FILIP1L: variants seen among roughly 807,000 people sequenced by gnomAD.
The protein encoded by FILIP1L is filamin A-interacting protein 1-like.
A neutral mutation model predicts 96.6 loss-of-function variants in FILIP1L; 55 were observed. The observed-to-expected ratio is 0.57, with a 90% CI of 0.46 to 0.71. The LOEUF is 0.71. Among genes scored for constraint, FILIP1L ranks in the 30% least tolerant of loss-of-function variants. The probability of loss-of-function intolerance (pLI) is 0.00; values close to 1 mark genes in which losing one functional copy is unlikely to be tolerated. For synonymous variants in FILIP1L, 467 were observed against 473.9 expected, an observed-to-expected ratio of 0.99 and a Z score of 0.19; for missense variants, 1,304 against 1,321.2, an observed-to-expected ratio of 0.99 and a Z score of 0.20.
At chr3:99,856,061 A>G (rs575267499) in intron 4 of FILIP1L, among the ~76,000 whole-genome samples, 3 of 152,076 alleles carry the variant, frequency 2.0e-5, no homozygotes, top group Non-Finnish European at 2.9e-5. Context: ...TGCTCCATCC[A>G]TTGTTTGGTT....
At chr3:99,855,574 C>A (rs922645721) in intron 4 of FILIP1L, among the ~76,000 whole-genome samples, 5 of 152,162 alleles carry the variant, frequency 3.3e-5, no homozygotes, top group African/African-American at 1.2e-4. Context: ...GATTTCCCCA[C>A]ATTATATTGC....
intron 4 of FILIP1L, among the ~76,000 whole-genome samples, chr3:99,864,073 T>TA (rs1944391471): frequency 6.6e-6 from 1 of 152,222 alleles, no homozygotes; most frequent in Non-Finnish European, 1.5e-5. Flanking sequence ...ATGGAATTAA[T>TA]ATGTAGGAGG....
At chr3:100,078,520 C>CTGGGCCACATTGCAAGAATTGTCT (rs1373574152) in intron 1 of FILIP1L, among the ~76,000 whole-genome samples, 4 of 152,068 alleles carry the variant, frequency 2.6e-5, no homozygotes, top group Non-Finnish European at 5.9e-5. Context: ...TTTGGCTTCC[C>CTGGGCCACATTGCAAGAATTGTCT]TGGGCCACAT....
rs577572428 is a variant in FILIP1L at position 100,081,198 on chromosome 3, G to A, written c.-11+32855C>T. ...TCCTCTCTCAAGATGGAACTTCACC[G>A]AAGCCACCCAAGAGTCCTTCTAATC... On this transcript the variant is annotated intron_variant, in intron 1 of 5. Coordinates refer to ENST00000477258, the MANE Select transcript of FILIP1L (RefSeq NM_001387850.1). 2.6e-5 allele frequency among the ~76,000 whole-genome samples: 4 copies of A among 152,236 alleles called. No homozygotes were observed. The East Asian group carries it at 7.7e-4, about 29-fold the overall frequency.
intron 1 of FILIP1L, among the ~76,000 whole-genome samples, chr3:100,063,879 A>G (rs1217877221): frequency 6.6e-6 from 1 of 152,244 alleles, no homozygotes; most frequent in Non-Finnish European, 1.5e-5. Flanking sequence ...TACTTGAAGT[A>G]TAGAGAAAAA....
chr3:99,916,572 G>A (rs971120934), intron 4 of FILIP1L, among the ~76,000 whole-genome samples: 48 of 151,886 alleles, frequency 3.2e-4, no homozygotes, highest in African/African-American at 1.2e-3. Flanking sequence ...CTTAGCACTT[G>A]CTGTGCATTA....
At chr3:100,003,416 A>G (rs1709899074) in intron 1 of FILIP1L, among the ~76,000 whole-genome samples, 1 of 152,158 alleles carries the variant, frequency 6.6e-6, no homozygotes, top group Admixed American at 6.5e-5. Context: ...TAACCAATGC[A>G]CCTAGAATAA....
At chr3:100,052,794 T>C (rs1267169886) in intron 1 of FILIP1L, among the ~76,000 whole-genome samples, 2 of 152,242 alleles carry the variant, frequency 1.3e-5, no homozygotes, top group African/African-American at 4.8e-5. Flanking sequence ...AGGTAAACTT[T>C]CTGGATATGA....
intron 1 of FILIP1L, chr3:100,041,114 G>T (rs112071651): frequency 6.6e-5 from 10 of 152,242 alleles, no homozygotes; most frequent in African/African-American, 2.2e-4. Context: ...GACTGCCAAA[G>T]TTTTATTTCA....
chr3:99,951,959 A>G (rs772542662), intron 1 of FILIP1L, among the ~76,000 whole-genome samples: 10 of 152,248 alleles, frequency 6.6e-5, no homozygotes, highest in Admixed American at 3.9e-4. Context: ...GAGAGAACCT[A>G]TAAGTAAGTC....
intron 1 of FILIP1L, among the ~76,000 whole-genome samples, chr3:100,066,810 C>CAAGGATGAT (rs2065673479): frequency 1.1e-5 from 1 of 94,798 alleles, no homozygotes; most frequent in Non-Finnish European, 2.5e-5. Flanking sequence ...GGATTACAGG[C>CAAGGATGAT]GTGGCTTTGC....
At chr3:100,079,864 A>T (rs1463822032) in intron 1 of FILIP1L, among the ~76,000 whole-genome samples, 1 of 152,190 alleles carries the variant, frequency 6.6e-6, no homozygotes, top group South Asian at 2.1e-4. Context: ...AAAAATAACT[A>T]ACATAAAATA....
Position 99,949,118 on chromosome 3 carries a change from G to A in FILIP1L, c.-10-18088C>T, listed in dbSNP as rs116264660. ...AAATTGGGAGGAATATTTCATAAAT[G>A]TGAAAGCAGGATAAAGTTCCCAAAA... On this transcript the variant is annotated intron_variant, in intron 1 of 5. Coordinates refer to ENST00000477258, the MANE Select transcript of FILIP1L (RefSeq NM_001387850.1). Among the ~76,000 whole-genome samples the A allele has an allele frequency of 2.5e-3, 387 of 152,288 alleles. 3 individuals are homozygous for A. The highest frequency in any genetic ancestry group is 8.8e-3 in the African/African-American group (367 of 41,550).
intron 4 of FILIP1L, among the ~76,000 whole-genome samples, chr3:99,904,652 A>G (rs1337430678): frequency 6.6e-6 from 1 of 151,314 alleles, no homozygotes; most frequent in Non-Finnish European, 1.5e-5. Context: ...ATGGCTGCTT[A>G]TTGCCTTCCA....
At chr3:99,995,714 G>C (rs1576628689) in intron 1 of FILIP1L, among the ~76,000 whole-genome samples, 2 of 152,294 alleles carry the variant, frequency 1.3e-5, no homozygotes, top group Admixed American at 1.3e-4. Context: ...CTTGACTTCT[G>C]TGCACTCACA....
intron 4 of FILIP1L, among the ~76,000 whole-genome samples, chr3:99,891,731 T>C (rs1325310995): frequency 6.6e-6 from 1 of 152,200 alleles, no homozygotes; most frequent in Non-Finnish European, 1.5e-5. Flanking sequence ...AATGGAGTTT[T>C]AGCTTAACCC....
chr3:99,857,989 T>C (rs1944054392), intron 4 of FILIP1L, among the ~76,000 whole-genome samples: 2 of 152,062 alleles, frequency 1.3e-5, no homozygotes, highest in South Asian at 4.2e-4. Context: ...ATAGGCTAAT[T>C]AGGAAAGAAA....
At position 99,931,006 on chromosome 3, in the gene FILIP1L, G is replaced by T. The variant is rs1707465379; in HGVS notation, c.15C>A (p.Gly5=). The change falls in exon 2 of 6, where the codon GGC becomes GGA. Residue 5 remains glycine, a synonymous_variant. Transcript: ENST00000477258. MRSR[G]SDTEGSAQKK... ...TTTGGGCTGAGCCCTCGGTATCACT[G>T]CCTCTGGAACGCATTCTTTAAAGCC... 3.7e-6 allele frequency: 6 copies of T among 1,613,662 alleles called. No homozygotes were observed. The East Asian group carries it at 6.7e-5, about 18-fold the overall frequency.
intron 1 of FILIP1L, among the ~76,000 whole-genome samples, chr3:100,108,638 A>G (rs2066433741): frequency 6.6e-6 from 1 of 152,162 alleles, no homozygotes; most frequent in East Asian, 1.9e-4. Context: ...ATTGCCCTGT[A>G]TCTAGATGCT....
Sources: allele counts gnomAD v4.1 joint callset (sites outside exome capture counted in the v4.1 genomes callset), GRCh38; gene constraint gnomAD v4.1.1; transcripts MANE v1.5; gene names NCBI Gene and HGNC (gene_info 2026-07-23, HGNC 2026-07-21).